KIAA1217: variants seen among roughly 807,000 people sequenced by gnomAD.
KIAA1217 encodes the protein KIAA1217, also known as sickle tail protein homolog.
In KIAA1217, 88 loss-of-function variants were observed where a neutral mutation model predicts 163.9. That is an observed-to-expected ratio of 0.54 (90% CI 0.45 to 0.64). The LOEUF (loss-of-function observed/expected upper bound fraction) is 0.64, where lower values mean the gene tolerates loss of function less well. Among genes scored for constraint, KIAA1217 ranks in the 30% least tolerant of loss-of-function variants. KIAA1217 has a pLI of 0.00. For missense variants in KIAA1217, 2,372 were observed against 2,475.0 expected, an observed-to-expected ratio of 0.96 and a Z score of 0.88; for synonymous variants, 903 against 923.1, an observed-to-expected ratio of 0.98 and a Z score of 0.39.
chr10:24,286,188 G>A (rs368274187), intron 2 of KIAA1217, among the ~76,000 whole-genome samples: 41 of 152,090 alleles, frequency 2.7e-4, no homozygotes, highest in African/African-American at 9.7e-4. Flanking sequence ...GTTCTTTGGT[G>A]AGGTGGTTGT....
chr10:24,254,972 G>T (rs1369756867), intron 2 of KIAA1217, among the ~76,000 whole-genome samples: 1 of 151,818 alleles, frequency 6.6e-6, no homozygotes. Context: ...TCCTGCCTCA[G>T]CCTCCCAAGT....
chr10:23,824,658 A>AAATATATATATAT (rs1837805755), intron 1 of KIAA1217, among the ~76,000 whole-genome samples: 1 of 53,040 alleles, frequency 1.9e-5, no homozygotes, highest in African/African-American at 6.5e-5. Context: ...AAATAAAAAA[A>AAATATATATATAT]ATATATATAT....
intron 2 of KIAA1217, among the ~76,000 whole-genome samples, chr10:24,185,241 G>A (rs2131961982): frequency 6.6e-6 from 1 of 152,204 alleles, no homozygotes; most frequent in East Asian, 1.9e-4. Flanking sequence ...CAGGTAACCT[G>A]CAGGATAAGG....
intron 1 of KIAA1217, among the ~76,000 whole-genome samples, chr10:23,750,763 T>C (rs1385529142): frequency 6.6e-6 from 1 of 152,144 alleles, no homozygotes; most frequent in African/African-American, 2.4e-5. Flanking sequence ...GTGGCACAAA[T>C]GCAGGAGGCT....
chr10:24,450,809 G>A (rs923331345), intron 5 of KIAA1217, among the ~76,000 whole-genome samples: 5 of 152,206 alleles, frequency 3.3e-5, no homozygotes, highest in African/African-American at 1.2e-4. Flanking sequence ...ACAGAGCTGG[G>A]ATTTAAATCC....
chr10:23,830,225 A>G (rs1838113470), intron 1 of KIAA1217, among the ~76,000 whole-genome samples: 1 of 152,192 alleles, frequency 6.6e-6, no homozygotes, highest in Non-Finnish European at 1.5e-5. Context: ...CTTAAAAAGA[A>G]GAATTCTTTG....
chr10:23,934,779 G>A (rs189400299), intron 1 of KIAA1217, among the ~76,000 whole-genome samples: 2,326 of 149,676 alleles, frequency 0.016, 68 homozygotes, highest in African/African-American at 0.052. Flanking sequence ...CACCACACCC[G>A]GCTAATTTTT....
At position 24,543,767 on chromosome 10, in the gene KIAA1217, C is replaced by T. The variant is rs756264153; in HGVS notation, c.4497C>T (p.Ser1499=). 4 of 1,613,140 alleles carry T rather than the reference C, an allele frequency of 2.5e-6. No homozygotes were observed. In the South Asian group the frequency reaches 4.4e-5, roughly 18 times the overall value. The change falls in exon 19 of 21, where the codon TCC becomes TCT. Residue 1499 remains serine, a synonymous_variant. Transcript: ENST00000376454. ...GDSVVQNNNT[S]QMSHKKVAPG... ...CTGTAGTCCAGAATAATAACACTTCCCAGATGTCTCATAAGAAGGTGGCCC... is the reference window on the plus strand; with the variant it reads ...CTGTAGTCCAGAATAATAACACTTCTCAGATGTCTCATAAGAAGGTGGCCC...
intron 2 of KIAA1217, among the ~76,000 whole-genome samples, chr10:24,299,823 G>A (rs765034994): frequency 4.6e-5 from 7 of 152,118 alleles, no homozygotes; most frequent in Non-Finnish European, 1.0e-4. Flanking sequence ...CCTGCCCTGT[G>A]AACTAATGAA....
At chr10:24,143,143 A>C (rs1355605009) in intron 2 of KIAA1217, among the ~76,000 whole-genome samples, 1 of 152,170 alleles carries the variant, frequency 6.6e-6, no homozygotes, top group Non-Finnish European at 1.5e-5. Flanking sequence ...ACATGTGTCC[A>C]TTTCTGCATA....
chr10:24,020,609 C>T (rs1847691400), intron 2 of KIAA1217, among the ~76,000 whole-genome samples: 1 of 151,948 alleles, frequency 6.6e-6, no homozygotes, highest in Non-Finnish European at 1.5e-5. Context: ...ACATGTTCCC[C>T]AATACACATA....
intron 1 of KIAA1217, among the ~76,000 whole-genome samples, chr10:23,987,421 A>ATT (rs1846027681): frequency 7.0e-6 from 1 of 143,448 alleles, no homozygotes; most frequent in African/African-American, 2.5e-5. Flanking sequence ...GTTTTTTTAA[A>ATT]AAAAAACCCA....
At chr10:24,189,774 G>C (rs1786112841) in intron 2 of KIAA1217, among the ~76,000 whole-genome samples, 1 of 152,160 alleles carries the variant, frequency 6.6e-6, no homozygotes, top group African/African-American at 2.4e-5. Flanking sequence ...CAAGGACTTT[G>C]GGAGGCCAAG....
At chr10:23,746,170 C>A (rs781748166) in intron 1 of KIAA1217, among the ~76,000 whole-genome samples, 18 of 152,146 alleles carry the variant, frequency 1.2e-4, no homozygotes, top group Non-Finnish European at 2.2e-4. Context: ...TGAGTAAGTT[C>A]TTCTATTAGT....
intron 2 of KIAA1217, among the ~76,000 whole-genome samples, chr10:24,166,045 G>A (rs1198472467): frequency 6.6e-6 from 1 of 152,106 alleles, no homozygotes; most frequent in Non-Finnish European, 1.5e-5. Flanking sequence ...AGTCAAGAGA[G>A]AAAAGGATTA....
Position 23,856,892 on chromosome 10 carries a change from G to A in KIAA1217, c.-320-150333G>A, listed in dbSNP as rs150407098. The stretch of plus-strand genomic sequence containing the variant: ...CGCAGTATTAGGGTGGGAGTGACCC[G>A]ATTTTCCAGGTGCTGTCTGTCACCC... On this transcript the variant is annotated intron_variant, in intron 1 of 18. Coordinates refer to the KIAA1217 transcript ENST00000376462. 2.9e-4 allele frequency among the ~76,000 whole-genome samples: 44 copies of A among 152,298 alleles called. No homozygotes were observed. In the South Asian group the frequency reaches 2.9e-3, roughly 10 times the overall value.
intron 1 of KIAA1217, among the ~76,000 whole-genome samples, chr10:23,986,187 T>C (rs925918535): frequency 4.2e-4 from 64 of 152,240 alleles, no homozygotes; most frequent in African/African-American, 1.4e-3. Flanking sequence ...TTCATAAAAC[T>C]GTGCCTCGAG....
chr10:24,237,359 C>T (rs1284703307), intron 2 of KIAA1217, among the ~76,000 whole-genome samples: 1 of 152,330 alleles, frequency 6.6e-6, no homozygotes, highest in Middle Eastern at 3.4e-3. Context: ...ACAAATTTTT[C>T]TCTTGGGTTT....
intron 1 of KIAA1217, among the ~76,000 whole-genome samples, chr10:23,920,344 T>C (rs1842807864): frequency 6.6e-6 from 1 of 152,170 alleles, no homozygotes; most frequent in Non-Finnish European, 1.5e-5. Flanking sequence ...TTTTAGCTTC[T>C]CTGTCCTTTC....
Sources: gnomAD v4.1 joint callset for allele counts (sites outside exome capture counted in the v4.1 genomes callset) on GRCh38, gnomAD v4.1.1 for gene constraint, MANE v1.5 for transcripts, NCBI Gene and HGNC (gene_info 2026-07-23, HGNC 2026-07-21) for gene names.